The following SETD4 variants were observed in gnomAD, a reference collection of about 807,000 sequenced individuals.
SETD4 encodes SET domain-containing protein 4.
A neutral mutation model predicts 58.3 loss-of-function variants in SETD4; 46 were observed. The observed-to-expected ratio is 0.79, with a 90% CI of 0.62 to 1.01. The LOEUF (loss-of-function observed/expected upper bound fraction) is 1.01. Ranked by LOEUF, SETD4 falls within the 50% of genes least tolerant of loss-of-function variation. SETD4 has a pLI of 0.00. For synonymous variants in SETD4, 190 were observed against 202.6 expected (o/e 0.94, Z 0.53); for missense variants, 490 against 523.3 (o/e 0.94, Z 0.62).
chr21:36,047,834 C>CAAAAAAAAAAAAAA (rs34827028), intron 5 of SETD4, among the ~76,000 whole-genome samples: 1 of 70,902 alleles, frequency 1.4e-5, no homozygotes, highest in Non-Finnish European at 2.7e-5. Context: ...ACTAAAAATA[C>CAAAAAAAAAAAAAA]AAAAAAAAAA....
At chr21:36,037,723 G>A (rs2063850294) in intron 10 of SETD4, among the ~76,000 whole-genome samples, 1 of 151,786 alleles carries the variant, frequency 6.6e-6, no homozygotes, top group African/African-American at 2.4e-5. Flanking sequence ...TTCAGGCCAG[G>A]CGCAGTGGAC....
At chr21:36,055,311 C>T (rs903129612) in intron 3 of SETD4, among the ~76,000 whole-genome samples, 1 of 152,186 alleles carries the variant, frequency 6.6e-6, no homozygotes, top group East Asian at 1.9e-4. Context: ...TAGTAATCTA[C>T]ACTTACTTTC....
At chr21:36,060,201 C>A in intron 1 of SETD4, 146 bp downstream of exon 1, 1 of 858,480 alleles carries the variant, frequency 1.2e-6, no homozygotes, top group Non-Finnish European at 1.4e-6. Flanking sequence ...GCAGCGCACA[C>A]GATAATGCCT....
At chr21:36,041,725 AC>A in intron 8 of SETD4, 81 bp downstream of exon 8, 2 of 935,190 alleles carry the variant, frequency 2.1e-6, no homozygotes, top group South Asian at 1.5e-5. Flanking sequence ...GAGGGGTCTC[AC>A]CCCCATGGAA....
chr21:36,057,396 A>C (rs762624227), intron 2 of SETD4, 192 bp from the exon 3 acceptor site: 5 of 718,938 alleles, frequency 7.0e-6, no homozygotes, highest in Non-Finnish European at 1.3e-5. Flanking sequence ...CTGTATTCCC[A>C]GCATTTGGGA....
At chr21:36,039,502 G>C (rs1044521665) in intron 9 of SETD4, among the ~76,000 whole-genome samples, 2 of 152,128 alleles carry the variant, frequency 1.3e-5, no homozygotes, top group African/African-American at 4.8e-5. Context: ...GCTAACATAA[G>C]TACACACAAA....
chr21:36,050,823 G>T, intron 4 of SETD4: 1 of 1,609,922 alleles, frequency 6.2e-7, no homozygotes, highest in Non-Finnish European at 8.5e-7. Context: ...ACATGGACGG[G>T]ATGTACGTGT....
In SETD4 at chr21:36,045,973, G is replaced by A. The variant is rs558795210; in HGVS notation, c.335C>T (p.Thr112Ile). 100 of 1,614,126 alleles carry A rather than the reference G, an allele frequency of 6.2e-5. 1 individual carries two copies. In the South Asian group the frequency reaches 1.1e-3, roughly 17 times the overall value. The change falls in exon 6 of 12, where the codon ACC becomes ATC. Residue 112 changes from threonine (T) to isoleucine (I), a missense_variant. Transcript: ENST00000332131. ...AGCATGCTTTTCTGAAACTAAAAAG[G>A]TGCACAGCGCCAGCAGAGGAGATGG... ...PPPSPLLALCTFLVSEKHAGH... is the reference protein window; with the variant it reads ...PPPSPLLALCIFLVSEKHAGH...
intron 9 of SETD4, among the ~76,000 whole-genome samples, chr21:36,039,447 T>A (rs2063938677): frequency 6.6e-6 from 1 of 152,216 alleles, no homozygotes; most frequent in Non-Finnish European, 1.5e-5. Flanking sequence ...TAGGCTGAAG[T>A]GTCCGAAAAG....
intron 3 of SETD4, among the ~76,000 whole-genome samples, chr21:36,055,775 T>C (rs757865392): frequency 4.6e-5 from 7 of 152,214 alleles, no homozygotes; most frequent in Non-Finnish European, 1.0e-4. Context: ...CTTTTAAAAA[T>C]AGGAACTCTT....
At chr21:36,058,693 G>T in intron 2 of SETD4, 123 bp downstream of exon 2, 1 of 1,142,194 alleles carries the variant, frequency 8.8e-7, no homozygotes, top group Non-Finnish European at 1.2e-6. Context: ...ACTCCAGCCT[G>T]GGTGACAGAG....
chr21:36,049,132 C>T (rs1269871559), intron 4 of SETD4, among the ~76,000 whole-genome samples: 2 of 152,116 alleles, frequency 1.3e-5, no homozygotes, highest in Admixed American at 1.3e-4. Context: ...TCAGTGTCTC[C>T]CACGGAGATA....
At chr21:36,052,352 G>C (rs2064743188) in intron 4 of SETD4, among the ~76,000 whole-genome samples, 1 of 146,926 alleles carries the variant, frequency 6.8e-6, no homozygotes, top group Non-Finnish European at 1.5e-5. Flanking sequence ...TTCAAGACCA[G>C]CCTAGCCAAG....
intron 10 of SETD4, among the ~76,000 whole-genome samples, chr21:36,037,348 T>C (rs1267816817): frequency 6.6e-6 from 1 of 152,174 alleles, no homozygotes. Context: ...CTCATGCCTG[T>C]AATCCCAGCA....
chr21:36,053,642 G>A (rs1215170769), intron 3 of SETD4, 22 bp from the exon 4 acceptor site: 2 of 1,613,124 alleles, frequency 1.2e-6, no homozygotes, highest in Non-Finnish European at 1.7e-6. Flanking sequence ...AAGACAGAAA[G>A]AGAGTAAATC....
intron 4 of SETD4, 98 bp from the exon 5 acceptor site, chr21:36,048,494 G>T: frequency 1.0e-6 from 1 of 971,122 alleles, no homozygotes; most frequent in Non-Finnish European, 1.7e-6. Flanking sequence ...TCACCTACCA[G>T]TAACCCACTG....
chr21:36,036,031 C>A, intron 11 of SETD4, 54 bp downstream of exon 11: 1 of 1,535,432 alleles, frequency 6.5e-7, no homozygotes, highest in Non-Finnish European at 9.0e-7. Context: ...CGACTCTAAA[C>A]TATATAAATT....
chr21:36,043,790 A>G lies in SETD4; in HGVS notation c.893T>C (p.Val298Ala). Residue 298 changes from valine to alanine, a missense_variant, in exon 7 of 12, where the codon GTC becomes GCC. Physicochemically the swap from Val to Ala is moderately conservative, Grantham distance 64. Coordinates refer to ENST00000332131, the MANE Select transcript of SETD4 (RefSeq NM_017438.5). The stretch of plus-strand genomic sequence containing the variant: ...ACAAAGTTGATTCCAACCTCTTGAG[A>G]CATAAACACAAGCATGAGGATTATG... ...SVHNPHACVY[V>A]SREILVKYLP... is the part of the protein sequence containing the mutation. 6.2e-7 allele frequency: 1 copy of G among 1,614,160 alleles called. No homozygotes were observed. Among genetic ancestry groups the G allele is most frequent in the African/African-American group, 1.3e-5 (1 of 75,068 alleles).
chr21:36,051,079 A>C (rs1442563348), intron 4 of SETD4: 2 of 1,434,514 alleles, frequency 1.4e-6, no homozygotes, highest in Non-Finnish European at 2.0e-6. Flanking sequence ...ATCGTCTTTC[A>C]TAAGGCTTGT....
Sources: gnomAD v4.1 joint callset for allele counts (sites outside exome capture counted in the v4.1 genomes callset) on GRCh38, gnomAD v4.1.1 for gene constraint, MANE v1.5 for transcripts, NCBI Gene and HGNC (gene_info 2026-07-23, HGNC 2026-07-21) for gene names.